Variants in SOCS5 observed in about 807,000 individuals in gnomAD.
The protein encoded by SOCS5 is suppressor of cytokine signaling 5, also known as CIS-6.
Under a neutral mutation model 42.8 loss-of-function variants are expected in SOCS5, and 32 were observed. The ratio of observed to expected loss-of-function variants is 0.75; its 90% confidence interval spans 0.56 to 1.01. The LOEUF (loss-of-function observed/expected upper bound fraction) is 1.01. SOCS5 is among the 50% of genes least tolerant of loss of function. SOCS5 has a pLI of 0.00. For synonymous variants in SOCS5, 283 were observed against 229.6 expected, an observed-to-expected ratio of 1.23 and a Z score of -2.10; for missense variants, 627 against 653.0, an observed-to-expected ratio of 0.96 and a Z score of 0.43.
At chr2:46,757,427 A>G (rs543305881) in intron 1 of SOCS5, among the ~76,000 whole-genome samples, 9 of 151,702 alleles carry the variant, frequency 5.9e-5, no homozygotes, top group African/African-American at 1.9e-4. Context: ...ACTGCTTTAG[A>G]TTTTTTTTTA....
At chr2:46,729,626 A>G (rs889848464) in intron 1 of SOCS5, among the ~76,000 whole-genome samples, 6 of 152,224 alleles carry the variant, frequency 3.9e-5, no homozygotes, top group African/African-American at 1.4e-4. Context: ...GCACACCTGT[A>G]TAGGGCACTT....
intron 1 of SOCS5, among the ~76,000 whole-genome samples, chr2:46,715,504 C>T (rs1341193290): frequency 6.6e-6 from 1 of 152,036 alleles, no homozygotes; most frequent in Non-Finnish European, 1.5e-5. Context: ...TAAAAAACTT[C>T]CTGTTACATT....
intron 1 of SOCS5, among the ~76,000 whole-genome samples, chr2:46,709,641 C>G (rs1334209227): frequency 2.6e-5 from 4 of 152,100 alleles, no homozygotes; most frequent in Non-Finnish European, 5.9e-5. Flanking sequence ...AACAAGATTT[C>G]CTATCTAAAA....
At chr2:46,732,729 A>C (rs1673152964) in intron 1 of SOCS5, among the ~76,000 whole-genome samples, 1 of 152,206 alleles carries the variant, frequency 6.6e-6, no homozygotes, top group Non-Finnish European at 1.5e-5. Flanking sequence ...GTAAGGAAGA[A>C]CCAATGTGTA....
At chr2:46,735,109 GC>G (rs1387437675) in intron 1 of SOCS5, among the ~76,000 whole-genome samples, 1 of 152,156 alleles carries the variant, frequency 6.6e-6, no homozygotes, top group African/African-American at 2.4e-5. Flanking sequence ...GGGTACGGTA[GC>G]AAGTAACAGA....
chr2:46,703,739 T>C (rs1000629647), intron 1 of SOCS5, among the ~76,000 whole-genome samples: 2 of 152,212 alleles, frequency 1.3e-5, no homozygotes, highest in African/African-American at 4.8e-5. Flanking sequence ...ATTACTTTCT[T>C]AGTTTCAGTG....
chr2:46,756,611 T>A (rs562697176), intron 1 of SOCS5, among the ~76,000 whole-genome samples: 1 of 152,380 alleles, frequency 6.6e-6, no homozygotes, highest in East Asian at 1.9e-4. Context: ...GTGCTGTTTT[T>A]TGTTAAGAGT....
intron 1 of SOCS5, among the ~76,000 whole-genome samples, chr2:46,727,144 CTTTTTT>C (rs759203329): frequency 1.2e-5 from 1 of 86,412 alleles, no homozygotes; most frequent in African/African-American, 4.7e-5. Context: ...TTGGAGCCTT[CTTTTTT>C]TTTTTTTTTT....
In SOCS5 at chr2:46,759,810, A is replaced by G; in HGVS notation, c.1280A>G (p.His427Arg). 2 of 1,614,164 alleles carry G rather than the reference A, an allele frequency of 1.2e-6. No individual in the cohort carries two copies. The highest frequency in any genetic ancestry group is 1.1e-5 in the South Asian group (1 of 91,076). The stretch of plus-strand genomic sequence containing the variant: ...TTCCGCCGCTACAACAGATCCCTGC[A>G]TGCCCGAATTGAGCAGTGGAATCAC... Reference protein sequence around the residue: ...VSFRRYNRSLHARIEQWNHNF... With the variant: ...VSFRRYNRSLRARIEQWNHNF... Residue 427 changes from histidine to arginine, a missense_variant, in exon 2 of 2, where the codon CAT (histidine) becomes CGT (arginine). Coordinates refer to ENST00000394861, the MANE Select transcript of SOCS5 (RefSeq NM_144949.3).
At chr2:46,711,542 A>C (rs956677431) in intron 1 of SOCS5, among the ~76,000 whole-genome samples, 3 of 152,224 alleles carry the variant, frequency 2.0e-5, no homozygotes, top group African/African-American at 7.2e-5. Context: ...TAAATGTGTT[A>C]GAGATTTTTC....
intron 1 of SOCS5, among the ~76,000 whole-genome samples, chr2:46,727,195 C>T (rs1214869528): frequency 6.2e-5 from 8 of 128,058 alleles, no homozygotes; most frequent in African/African-American, 2.5e-4. Flanking sequence ...GTAGCCCAGG[C>T]TGGAGTGCAG....
intron 1 of SOCS5, among the ~76,000 whole-genome samples, chr2:46,726,874 A>G (rs1209155675): frequency 1.3e-5 from 2 of 151,538 alleles, no homozygotes; most frequent in East Asian, 3.9e-4. Flanking sequence ...CTCCTGCCTC[A>G]GCCTCACGAA....
intron 1 of SOCS5, among the ~76,000 whole-genome samples, chr2:46,714,395 T>TC (rs2103701977): frequency 6.6e-6 from 1 of 152,338 alleles, no homozygotes; most frequent in Admixed American, 6.5e-5. Context: ...CATGAAATGG[T>TC]CCCCTTTATC....
intron 1 of SOCS5, among the ~76,000 whole-genome samples, chr2:46,727,297 A>G (rs1012405327): frequency 6.6e-6 from 1 of 152,010 alleles, no homozygotes; most frequent in Non-Finnish European, 1.5e-5. Flanking sequence ...TTTTTATAAT[A>G]GCTGCTTTAA....
chr2:46,719,516 G>C (rs189489445), intron 1 of SOCS5, among the ~76,000 whole-genome samples: 1 of 152,038 alleles, frequency 6.6e-6, no homozygotes, highest in African/African-American at 2.4e-5. Flanking sequence ...TTCTCAGCCA[G>C]TGTTCCTGCC....
intron 1 of SOCS5, among the ~76,000 whole-genome samples, chr2:46,737,086 A>G (rs1673269755): frequency 1.3e-5 from 2 of 152,188 alleles, no homozygotes; most frequent in Admixed American, 6.5e-5. Context: ...TTTTCTAGCA[A>G]GTAATTTATC....
At chr2:46,732,400 G>A (rs1673146213) in intron 1 of SOCS5, among the ~76,000 whole-genome samples, 1 of 152,130 alleles carries the variant, frequency 6.6e-6, no homozygotes, top group African/African-American at 2.4e-5. Flanking sequence ...AGTAGAGGGA[G>A]GGCATTCCAA....
chr2:46,703,442 T>A (rs1449411092), intron 1 of SOCS5, among the ~76,000 whole-genome samples: 1 of 152,194 alleles, frequency 6.6e-6, no homozygotes, highest in Non-Finnish European at 1.5e-5. Flanking sequence ...TAATAAGGAT[T>A]ATGAAGTTAC....
chr2:46,758,489 A>G, intron 1 of SOCS5, 30 bp from the exon 2 acceptor site: 1 of 1,469,606 alleles, frequency 6.8e-7, no homozygotes, highest in Non-Finnish European at 9.3e-7. Flanking sequence ...TGATTAATTT[A>G]TTTTTCTCTT....
Sources: gnomAD v4.1 joint callset for allele counts (sites outside exome capture counted in the v4.1 genomes callset) on GRCh38, gnomAD v4.1.1 for gene constraint, MANE v1.5 for transcripts, NCBI Gene and HGNC (gene_info 2026-07-23, HGNC 2026-07-21) for gene names.